The following MRPS27 variants were observed in gnomAD, a reference collection of about 807,000 sequenced individuals.
MRPS27 encodes mitochondrial ribosomal protein S27, also known as small ribosomal subunit protein mS27.
A neutral mutation model predicts 48.9 loss-of-function variants in MRPS27; 43 were observed. That is an observed-to-expected ratio of 0.88 (90% CI 0.69 to 1.13). The LOEUF (loss-of-function observed/expected upper bound fraction) is 1.13, where lower values mean the gene tolerates loss of function less well. Among genes scored for constraint, MRPS27 ranks in the 50% most tolerant of loss-of-function variants. The pLI is 0.00. For missense variants in MRPS27, 467 were observed against 476.3 expected (o/e 0.98, Z 0.18); for synonymous variants, 188 against 171.9 (o/e 1.09, Z -0.73).
chr5:72,284,421 C>G (rs1333266639), intron 4 of MRPS27, among the ~76,000 whole-genome samples: 1 of 141,222 alleles, frequency 7.1e-6, no homozygotes, highest in Non-Finnish European at 1.5e-5. Flanking sequence ...GAGACCCTGT[C>G]TTTAAATTAA....
intron 1 of MRPS27, among the ~76,000 whole-genome samples, chr5:72,317,474 C>G (rs554725120): frequency 4.5e-4 from 68 of 150,288 alleles, no homozygotes; most frequent in Admixed American, 1.3e-3. Flanking sequence ...CGGAGGCCTT[C>G]CAGGTTCAAG....
chr5:72,267,849 A>G (rs957769122), intron 4 of MRPS27, among the ~76,000 whole-genome samples: 2 of 152,136 alleles, frequency 1.3e-5, no homozygotes, highest in Non-Finnish European at 2.9e-5. Flanking sequence ...AAAAAAAAGT[A>G]TGCTCTCAGA....
intron 4 of MRPS27, among the ~76,000 whole-genome samples, chr5:72,283,586 T>C (rs979512747): frequency 2.0e-5 from 3 of 152,208 alleles, no homozygotes; most frequent in Non-Finnish European, 4.4e-5. Context: ...TTCCAACTAG[T>C]GCCAATACAC....
intron 4 of MRPS27, among the ~76,000 whole-genome samples, chr5:72,284,296 C>T (rs1253982554): frequency 2.7e-5 from 4 of 148,564 alleles, no homozygotes; most frequent in African/African-American, 7.4e-5. Flanking sequence ...TGGTGGCATA[C>T]GCCTAAAGTC....
At chr5:72,300,391 ATTACC>A (rs1384139517) in intron 2 of MRPS27, among the ~76,000 whole-genome samples, 1 of 152,044 alleles carries the variant, frequency 6.6e-6, no homozygotes, top group East Asian at 1.9e-4. Flanking sequence ...GCCTTTAACC[ATTACC>A]TACAGATGGT....
chr5:72,254,431 A>G (rs1748742540), intron 4 of MRPS27, among the ~76,000 whole-genome samples: 1 of 152,212 alleles, frequency 6.6e-6, no homozygotes, highest in Non-Finnish European at 1.5e-5. Context: ...GGGAGAAAAA[A>G]GACGGGAAAG....
At chr5:72,261,493 C>G (rs926272972) in intron 4 of MRPS27, among the ~76,000 whole-genome samples, 1 of 150,954 alleles carries the variant, frequency 6.6e-6, no homozygotes, top group Non-Finnish European at 1.5e-5. Flanking sequence ...TTTAAAAAAC[C>G]CCAGTTGCTA....
At chr5:72,240,380 T>C (rs2111964922) in intron 4 of MRPS27, among the ~76,000 whole-genome samples, 1 of 152,334 alleles carries the variant, frequency 6.6e-6, no homozygotes, top group South Asian at 2.1e-4. Flanking sequence ...TTGTTGGGTT[T>C]AGTCAATTTT....
intron 4 of MRPS27, among the ~76,000 whole-genome samples, chr5:72,271,316 A>ACTT (rs1245572652): frequency 6.6e-6 from 1 of 152,196 alleles, no homozygotes; most frequent in African/African-American, 2.4e-5. Flanking sequence ...ACAAAAATCA[A>ACTT]CTCTCTAGCA....
intron 6 of MRPS27, among the ~76,000 whole-genome samples, chr5:72,233,425 T>C (rs1254066887): frequency 2.0e-5 from 3 of 152,270 alleles, no homozygotes; most frequent in Middle Eastern, 3.4e-3. Flanking sequence ...TGGCTTAAAA[T>C]ATAGTGCCTG....
chr5:72,260,367 T>C (rs1002418988), intron 4 of MRPS27, among the ~76,000 whole-genome samples: 1 of 152,204 alleles, frequency 6.6e-6, no homozygotes, highest in Non-Finnish European at 1.5e-5. Flanking sequence ...AAGAGTCCCT[T>C]TGCATTATGT....
chr5:72,312,205 T>C (rs1047495941), intron 2 of MRPS27, among the ~76,000 whole-genome samples: 5 of 152,216 alleles, frequency 3.3e-5, no homozygotes, highest in African/African-American at 1.2e-4. Flanking sequence ...CCATGTCATT[T>C]GTGACATAAT....
chr5:72,258,261 C>T lies in MRPS27; in HGVS notation c.282-20133G>A, dbSNP rs187783061. 6.2e-4 allele frequency among the ~76,000 whole-genome samples: 94 copies of T among 152,192 alleles called. 1 individual carries two copies. Among genetic ancestry groups the T allele is most frequent in the Non-Finnish European group, 1.1e-3 (73 of 68,000 alleles). ...ACATATAGGAGAAGGGCCTACTGTT[C>T]CAACGTGCACTAACATCTAATGTGT... On this transcript the variant is annotated intron_variant, in intron 4 of 10. Coordinates refer to ENST00000261413, the MANE Select transcript of MRPS27 (RefSeq NM_015084.3).
At position 72,235,525 on chromosome 5, in the gene MRPS27, G is replaced by A. The variant is rs147860307; in HGVS notation, c.397-1328C>T. 6.0e-3 allele frequency among the ~76,000 whole-genome samples: 920 copies of A among 152,192 alleles called. 2 individuals are homozygous for A. Among genetic ancestry groups the A allele is most frequent in the African/African-American group, 0.014 (590 of 41,526 alleles). The stretch of plus-strand genomic sequence containing the variant: ...CTTTGGGTGACAACGGTTTGTCAAC[G>A]TAAGTTCATCAATTGTAATAAATGT... On this transcript the variant is annotated intron_variant, in intron 5 of 10. Transcript: ENST00000261413.
At chr5:72,293,391 T>C (rs1246056423) in intron 4 of MRPS27, among the ~76,000 whole-genome samples, 2 of 151,972 alleles carry the variant, frequency 1.3e-5, no homozygotes, top group African/African-American at 2.4e-5. Flanking sequence ...GCTAAAGAAC[T>C]AGTTTTGATT....
At chr5:72,284,255 A>G (rs1749608277) in intron 4 of MRPS27, among the ~76,000 whole-genome samples, 1 of 151,102 alleles carries the variant, frequency 6.6e-6, no homozygotes, top group Non-Finnish European at 1.5e-5. Flanking sequence ...TCTAAAAAAA[A>G]AAAAAAAAAC....
chr5:72,280,347 ATATACT>A (rs1450191340), intron 4 of MRPS27, among the ~76,000 whole-genome samples: 2 of 152,256 alleles, frequency 1.3e-5, no homozygotes, highest in Non-Finnish European at 2.9e-5. Context: ...AAATGGAAAG[ATATACT>A]TAAAAGACTG....
chr5:72,281,172 C>G (rs1301622709), intron 4 of MRPS27, among the ~76,000 whole-genome samples: 5 of 152,176 alleles, frequency 3.3e-5, no homozygotes, highest in Admixed American at 3.3e-4. Flanking sequence ...CTCCTTGCTT[C>G]TCCCGATGTT....
At chr5:72,276,880 A>C (rs1483973240) in intron 4 of MRPS27, among the ~76,000 whole-genome samples, 1 of 152,070 alleles carries the variant, frequency 6.6e-6, no homozygotes, top group East Asian at 1.9e-4. Flanking sequence ...AAATACAAAA[A>C]ATTAGCCAGG....
Sources: gnomAD v4.1 joint callset for allele counts (sites outside exome capture counted in the v4.1 genomes callset) on GRCh38, gnomAD v4.1.1 for gene constraint, MANE v1.5 for transcripts, NCBI Gene and HGNC (gene_info 2026-07-23, HGNC 2026-07-21) for gene names.